The following ANK2 variants were observed in gnomAD, a reference collection of about 807,000 sequenced individuals.
The protein encoded by ANK2 is ankyrin 2.
ANK2 carries 83 observed loss-of-function variants against 360.5 expected under a neutral mutation model. The observed-to-expected ratio is 0.23, with a 90% CI of 0.19 to 0.28. The LOEUF (loss-of-function observed/expected upper bound fraction) is 0.28, where lower values mean the gene tolerates loss of function less well. Among genes scored for constraint, ANK2 ranks in the 10% least tolerant of loss-of-function variants. The pLI, the probability that ANK2 is intolerant of heterozygous loss-of-function variation, is 1.00. For synonymous variants in ANK2, 1,740 were observed against 1,759.5 expected (o/e 0.99, Z 0.28); for missense variants, 4,201 against 4,795.7 (o/e 0.88, Z 3.66).
chr4:113,275,790 T>C (rs2060008072), intron 15 of ANK2, among the ~76,000 whole-genome samples: 1 of 151,110 alleles, frequency 6.6e-6, no homozygotes, highest in Non-Finnish European at 1.5e-5. Context: ...CAGAGGAGGG[T>C]GTAAATCATC....
intron 3 of ANK2, among the ~76,000 whole-genome samples, chr4:113,197,215 T>G (rs1044646711): frequency 7.2e-5 from 11 of 152,198 alleles, no homozygotes; most frequent in Non-Finnish European, 2.9e-5. Context: ...GGTCATGGAT[T>G]GAATTGTTAG....
At chr4:113,091,412 T>A (rs1206532487) in intron 1 of ANK2, among the ~76,000 whole-genome samples, 3 of 152,228 alleles carry the variant, frequency 2.0e-5, no homozygotes, top group Non-Finnish European at 4.4e-5. Flanking sequence ...TTAAGAGATG[T>A]GATATTTGAT....
chr4:112,820,811 C>T (rs2056787774), intron 1 of ANK2, among the ~76,000 whole-genome samples: 1 of 152,180 alleles, frequency 6.6e-6, no homozygotes, highest in Admixed American at 6.5e-5. Flanking sequence ...ATGATCATAG[C>T]TCATGTAACC....
chr4:113,293,731 C>G (rs2069252817), intron 22 of ANK2, among the ~76,000 whole-genome samples, 193 bp downstream of exon 22: 1 of 152,230 alleles, frequency 6.6e-6, no homozygotes, highest in African/African-American at 2.4e-5. Context: ...AGGGCTTCGG[C>G]TTCCTTTACT....
chr4:112,833,362 A>G (rs960906744), intron 1 of ANK2, among the ~76,000 whole-genome samples: 3 of 152,202 alleles, frequency 2.0e-5, no homozygotes, highest in African/African-American at 7.2e-5. Flanking sequence ...TGTCAGGGCA[A>G]TTTTTGCAAG....
chr4:113,288,739 C>A (rs1388260150), intron 20 of ANK2, among the ~76,000 whole-genome samples: 1 of 152,204 alleles, frequency 6.6e-6, no homozygotes, highest in Non-Finnish European at 1.5e-5. Flanking sequence ...CAACTTACTG[C>A]AGGATACAAT....
At chr4:112,994,941 CT>C (rs201272002) in intron 2 of ANK2, among the ~76,000 whole-genome samples, 2 of 152,152 alleles carry the variant, frequency 1.3e-5, no homozygotes, top group Non-Finnish European at 2.9e-5. Context: ...GACTTCATTC[CT>C]TTTTTATGGC....
At chr4:113,117,969 G>C (rs1184416493) in intron 1 of ANK2, among the ~76,000 whole-genome samples, 1 of 152,078 alleles carries the variant, frequency 6.6e-6, no homozygotes, top group South Asian at 2.1e-4. Context: ...GCAGTGAGCT[G>C]TGTCTCTGCA....
rs750200654 is a variant in ANK2, at chr4:113,357,959, G to A, written c.9341G>A (p.Ser3114Asn). 2 of 1,614,070 alleles carry A rather than the reference G, an allele frequency of 1.2e-6. No individual in the cohort carries two copies. The highest frequency in any genetic ancestry group is 1.1e-5 in the South Asian group (1 of 91,080). Reference protein sequence around the residue: ...QEGKLFEMTRSGAIDMTKRSY... With the variant: ...QEGKLFEMTRNGAIDMTKRSY... ...GGAAAATTGTTTGAAATGACCCGAA[G>A]TGGTGCCATTGATATGACCAAAAGG... Residue 3114 changes from serine (S) to asparagine (N), a missense_variant, in exon 38 of 46, where the codon AGT (serine) becomes AAT (asparagine). Ser to Asn is a conservative substitution (Grantham distance 46). Transcript: ENST00000357077.
chr4:112,715,475 A>C, the ANK2 span, among the ~76,000 whole-genome samples: 1 of 152,234 alleles, frequency 6.6e-6, no homozygotes, highest in South Asian at 2.1e-4. Flanking sequence ...CTAGGTTAAC[A>C]CAAATAAGCT....
Position 113,198,996 on chromosome 4 carries a change from G to C in ANK2, c.286-15G>C. 2 of 1,600,198 alleles carry C rather than the reference G, an allele frequency of 1.2e-6. No individual in the cohort carries two copies. Among genetic ancestry groups the C allele is most frequent in the Middle Eastern group, 1.7e-4 (1 of 6,040 alleles). The stretch of plus-strand genomic sequence containing the variant: ...AGAAACCTTGAACATTTTCTATTTT[G>C]TTTCTCCAAAACAGAAGGGAAATAC... On this transcript the variant is annotated splice_polypyrimidine_tract_variant and intron_variant, in intron 3 of 45. Coordinates refer to ENST00000357077, the MANE Select transcript of ANK2 (RefSeq NM_001148.6).
intron 2 of ANK2, among the ~76,000 whole-genome samples, chr4:113,192,840 C>T (rs185844985): frequency 1.1e-3 from 171 of 151,558 alleles, no homozygotes; most frequent in African/African-American, 4.0e-3. Context: ...ATTCCGAAGA[C>T]CAATTTTTAC....
chr4:113,368,621 T>G (rs1311751172), intron 42 of ANK2, among the ~76,000 whole-genome samples: 1 of 152,180 alleles, frequency 6.6e-6, no homozygotes, highest in Admixed American at 6.5e-5. Context: ...GGCCAACATA[T>G]CCCTAAACCT....
chr4:113,183,850 A>G (rs1226639575), intron 2 of ANK2, among the ~76,000 whole-genome samples: 1 of 152,022 alleles, frequency 6.6e-6, no homozygotes, highest in African/African-American at 2.4e-5. Context: ...AGAAAGTGGC[A>G]GTGAGCTAGA....
intron 1 of ANK2, among the ~76,000 whole-genome samples, chr4:112,855,556 G>A (rs976567466): frequency 1.4e-4 from 22 of 151,952 alleles, no homozygotes; most frequent in African/African-American, 5.3e-4. Context: ...TATATATCAA[G>A]TTATAGCAGA....
In ANK2 at chr4:113,369,722, A is replaced by C. The variant is rs1486003496; in HGVS notation, c.11527A>C (p.Lys3843Gln). 1.2e-6 allele frequency: 2 copies of C among 1,614,128 alleles called. No individual in the cohort carries two copies. Among genetic ancestry groups the C allele is most frequent in the South Asian group, 1.1e-5 (1 of 91,070 alleles). The part of the protein sequence containing the change: ...SEHREESSPR[K>Q]TSLVIVESAD... ...GCACAGAGAGGAGAGCTCTCCGCGG[A>C]AAACCAGCCTCGTAATAGTGGAGTC... Residue 3843 changes from lysine (K) to glutamine (Q), a missense_variant, in exon 43 of 46, where the codon AAA becomes CAA. Physicochemically the swap from Lys to Gln is moderately conservative, Grantham distance 53. Around this residue, in one of 4 missense-constraint regions of ANK2, gnomAD observed 2,642 missense variants for 2,714.5 expected, o/e 0.97. Transcript: ENST00000357077.
At chr4:113,219,565 A>AC (rs1184143831) in intron 4 of ANK2, among the ~76,000 whole-genome samples, 14 of 151,644 alleles carry the variant, frequency 9.2e-5, no homozygotes, top group Non-Finnish European at 1.6e-4. Flanking sequence ...CCCCTCACAC[A>AC]GAAAAAGTAT....
At chr4:113,031,728 C>G (rs61205470) in intron 2 of ANK2, among the ~76,000 whole-genome samples, 1 of 151,884 alleles carries the variant, frequency 6.6e-6, no homozygotes, top group Admixed American at 6.6e-5. Context: ...GGAGAAGCTT[C>G]TCATTAAACA....
intron 1 of ANK2, among the ~76,000 whole-genome samples, chr4:112,874,176 G>C (rs2074237505): frequency 6.7e-6 from 1 of 148,534 alleles, no homozygotes; most frequent in South Asian, 2.2e-4. Context: ...CCGCCTCCTG[G>C]GTTCAAGCGA....
Sources: gnomAD v4.1 joint callset for allele counts (sites outside exome capture counted in the v4.1 genomes callset) on GRCh38, gnomAD v4.1.1 for gene constraint, gnomAD v4.1.1 regional missense constraint, MANE v1.5 for transcripts, NCBI Gene and HGNC (gene_info 2026-07-23, HGNC 2026-07-21) for gene names.